Variants in XAB2 observed in about 807,000 individuals in gnomAD.
XAB2 encodes pre-mRNA-splicing factor SYF1.
In XAB2, 57 loss-of-function variants were observed where a neutral mutation model predicts 113.4. The observed-to-expected ratio is 0.50, with a 90% CI of 0.41 to 0.63. XAB2 has a LOEUF of 0.63. Ranked by LOEUF, XAB2 falls within the 20% of genes least tolerant of loss-of-function variation. The pLI, the probability that XAB2 is intolerant of heterozygous loss-of-function variation, is 0.00. For synonymous variants in XAB2, 497 were observed against 498.8 expected, an observed-to-expected ratio of 1.00 and a Z score of 0.05; for missense variants, 1,037 against 1,233.3, an observed-to-expected ratio of 0.84 and a Z score of 2.38.
At position 7,625,275 on chromosome 19, in the gene XAB2, CA is replaced by C. The variant is rs1191764569; in HGVS notation, c.822+604del. 6.6e-6 allele frequency among the ~76,000 whole-genome samples: 1 copy of C among 152,200 alleles called. No homozygotes were observed. The highest frequency in any genetic ancestry group is 1.5e-5 in the Non-Finnish European group (1 of 68,040). On this transcript the variant is annotated intron_variant, in intron 6 of 18. Transcript: ENST00000358368. The surrounding 1 kb of genome is among the most constrained non-coding windows in gnomAD (Gnocchi z 5.2). ...CCTGCGTCACTGAGCTGATTGGTGA[CA>C]GGCAGTAACTGTCACCCTGATTTTA...
rs368839409 is a variant in XAB2, at chr19:7,619,727, C to T, written c.2506+20G>A. ...CCCACCCTGGTAATGCCACCGTCCC[C>T]GCCCCAGCCGGGCCCTCACCGTTGG... On this transcript the variant is annotated intron_variant, in intron 18 of 18. Transcript: ENST00000358368. 5.0e-4 allele frequency: 800 copies of T among 1,612,924 alleles called. 1 individual carries two copies. Among genetic ancestry groups the T allele is most frequent in the East Asian group, 1.0e-3 (46 of 44,874 alleles).
Position 7,628,407 on chromosome 19 carries a change from C to T in XAB2, c.52-109G>A, listed in dbSNP as rs1260382784. 2 of 1,358,612 alleles carry T rather than the reference C, an allele frequency of 1.5e-6. No individual in the cohort carries two copies. Among genetic ancestry groups the T allele is most frequent in the Non-Finnish European group, 2.0e-6 (2 of 991,820 alleles). 84.2% of individuals were successfully genotyped at this position (1,358,612 alleles called of 1,614,324 possible). A position where few individuals can be genotyped will look rare whatever the true frequency, so the allele number is the denominator to read the frequency against. ...CAAACTCCGGACTTTTACCTAGATCCCACCACCCACCAAGGAAGTCAGGTC... is the reference window on the plus strand; with the variant it reads ...CAAACTCCGGACTTTTACCTAGATCTCACCACCCACCAAGGAAGTCAGGTC... On this transcript the variant is annotated intron_variant, in intron 1 of 18. Transcript: ENST00000358368. The surrounding 1 kb of genome is among the most constrained non-coding windows in gnomAD (Gnocchi z 4.6).
intron 4 of XAB2, among the ~76,000 whole-genome samples, chr19:7,626,978 C>T (rs557693922): frequency 6.6e-6 from 1 of 152,212 alleles, no homozygotes; most frequent in Non-Finnish European, 1.5e-5. Context: ...ATCTGTCTTC[C>T]TACTTAGACT....
In XAB2 at chr19:7,623,107, TGCACACATATACAA is replaced by T. The variant is rs2031070563; in HGVS notation, c.1239+49_1239+62del. The T allele has an allele frequency of 2.5e-6, 4 of 1,598,980 alleles. No homozygotes were observed. Among genetic ancestry groups the T allele is most frequent in the South Asian group, 2.2e-5 (2 of 90,032 alleles). ...GCACAAATATGTACACACACATACA[TGCACACATATACAA>T]GCACACACACATGCATGAACACACA... On this transcript the variant is annotated intron_variant, in intron 9 of 18. Coordinates refer to ENST00000358368, the MANE Select transcript of XAB2 (RefSeq NM_020196.3). The surrounding 1 kb of genome is among the most constrained non-coding windows in gnomAD (Gnocchi z 4.6).
chr19:7,625,814 C>A lies in XAB2; in HGVS notation c.822+66G>T. 1 of 1,537,342 alleles carries A rather than the reference C, an allele frequency of 6.5e-7. No individual in the cohort carries two copies. The highest frequency in any genetic ancestry group is 8.8e-7 in the Non-Finnish European group (1 of 1,137,958). On this transcript the variant is annotated intron_variant, in intron 6 of 18. Transcript: ENST00000358368. The surrounding 1 kb of genome is among the most constrained non-coding windows in gnomAD (Gnocchi z 5.2). ...TGTTTTCTGCCTGTGCATGTGTCAA[C>A]ATGTGTCCCCGAGTGTCGGAGGGAG...
Position 7,624,572 on chromosome 19 carries a change from TGG to T in XAB2, c.823-129_823-128del, listed in dbSNP as rs1198022295. 1,583 of 1,394,754 alleles carry T rather than the reference TGG, an allele frequency of 1.1e-3. 2 individuals are homozygous for T. The highest frequency in any genetic ancestry group is 2.5e-3 in the Admixed American group (126 of 51,290). The allele number at this position is 1,394,754 out of a possible 1,614,324, so 86.4% of individuals were successfully genotyped here. On this transcript the variant is annotated intron_variant, in intron 6 of 18. Transcript: ENST00000358368. The surrounding 1 kb of genome is among the most constrained non-coding windows in gnomAD (Gnocchi z 4.2). ...TGGGTAGTGACGCATCCAGCACCTC[TGG>T]GTAGTGACCCCAGGACAGAGCCTCC...
intron 16 of XAB2, 62 bp downstream of exon 16, chr19:7,620,213 G>C: frequency 6.2e-7 from 1 of 1,606,088 alleles, no homozygotes; most frequent in Non-Finnish European, 8.5e-7. Flanking sequence ...GACCCGGAAA[G>C]CCCAGGTCAG....
chr19:7,624,791 G>T lies in XAB2; in HGVS notation c.823-346C>A, dbSNP rs535319909. ...CCAGCGCCTATGGGTCCACCCTGCA[G>T]GGACCCTCGCCTCAGCTCATCCTCC... On this transcript the variant is annotated intron_variant, in intron 6 of 18. Coordinates refer to ENST00000358368, the MANE Select transcript of XAB2 (RefSeq NM_020196.3). This position sits in a 1 kb window ranked among gnomAD's most constrained non-coding sequence, Gnocchi z 4.2. 6.6e-6 allele frequency among the ~76,000 whole-genome samples: 1 copy of T among 152,174 alleles called. No homozygotes were observed. Among genetic ancestry groups the T allele is most frequent in the Non-Finnish European group, 1.5e-5 (1 of 68,030 alleles).
chr19:7,623,348 G>T lies in XAB2; in HGVS notation c.1120-59C>A. On this transcript the variant is annotated intron_variant, in intron 8 of 18. Transcript: ENST00000358368. This position sits in a 1 kb window ranked among gnomAD's most constrained non-coding sequence, Gnocchi z 4.6. ...CAGGACCCTGCAGATGACGGTCGGG[G>T]CAGAGCTGTGGCTCTGAGGGGTGGG... 6.3e-7 allele frequency: 1 copy of T among 1,594,170 alleles called. No individual in the cohort carries two copies. Among genetic ancestry groups the T allele is most frequent in the South Asian group, 1.1e-5 (1 of 90,582 alleles).
chr19:7,623,592 C>A lies in XAB2; in HGVS notation c.1119+139G>T. On this transcript the variant is annotated intron_variant, in intron 8 of 18. Coordinates refer to ENST00000358368, the MANE Select transcript of XAB2 (RefSeq NM_020196.3). The surrounding 1 kb of genome is among the most constrained non-coding windows in gnomAD (Gnocchi z 4.6). ...GGGCGGGGCTCGGGCAGGAGGAGAA[C>A]CCCAAGAACAGGGGTGGAATTGGAC... 1.6e-6 allele frequency: 2 copies of A among 1,273,324 alleles called. No homozygotes were observed. Among genetic ancestry groups the A allele is most frequent in the Non-Finnish European group, 2.1e-6 (2 of 934,388 alleles). 78.9% of individuals were successfully genotyped at this position (1,273,324 alleles called of 1,614,324 possible).
rs1030831548 is a variant in XAB2, at chr19:7,623,367, G to A, written c.1120-78C>T. ...GTCGGGGCAGAGCTGTGGCTCTGAG[G>A]GGTGGGGCCTGGAGGGTGCTGTGGC... On this transcript the variant is annotated intron_variant, in intron 8 of 18. Transcript: ENST00000358368. The surrounding 1 kb of genome is among the most constrained non-coding windows in gnomAD (Gnocchi z 4.6). 7 of 1,576,396 alleles carry A rather than the reference G, an allele frequency of 4.4e-6. No individual in the cohort carries two copies. Among genetic ancestry groups the A allele is most frequent in the Non-Finnish European group, 5.2e-6 (6 of 1,158,616 alleles).
intron 16 of XAB2, 73 bp downstream of exon 16, chr19:7,620,202 A>G (rs528425713): frequency 3.4e-5 from 54 of 1,602,926 alleles, no homozygotes; most frequent in Non-Finnish European, 4.2e-6. Flanking sequence ...CGAGGCTCCC[A>G]GACCCGGAAA....
chr19:7,620,748 G>A lies in XAB2; in HGVS notation c.1972-79C>T, dbSNP rs2031014258. On this transcript the variant is annotated intron_variant, in intron 14 of 18. Transcript: ENST00000358368. ...CCCAACACACCATGGCCATCCCTGT[G>A]CTTCCAGAAGGCTCCTCCTCAGCCC... The A allele has an allele frequency of 1.9e-6, 3 of 1,587,074 alleles. No homozygotes were observed. The South Asian group carries it at 3.4e-5, about 18-fold the overall frequency.
chr19:7,628,283 G>A lies in XAB2; in HGVS notation c.67C>T (p.Pro23Ser). The change falls in exon 2 of 19, where the codon CCC (proline) becomes TCC (serine). Residue 23 changes from proline to serine, a missense_variant. Coordinates refer to ENST00000358368, the MANE Select transcript of XAB2 (RefSeq NM_020196.3). This position sits in a 1 kb window ranked among gnomAD's most constrained non-coding sequence, Gnocchi z 4.6. ...TTCCGCATGATTTCCTCCTCATAGG[G>A]GAGGTCCTCTTCCTCCTGCCAGGGC... ...PDLVFEEEDL[P>S]YEEEIMRNQF... 6.2e-7 allele frequency: 1 copy of A among 1,614,062 alleles called. No individual in the cohort carries two copies. The highest frequency in any genetic ancestry group is 8.5e-7 in the Non-Finnish European group (1 of 1,180,010).
Position 7,623,127 on chromosome 19 carries a change from CA to C in XAB2, c.1239+42del. On this transcript the variant is annotated intron_variant, in intron 9 of 18. Transcript: ENST00000358368. The surrounding 1 kb of genome is among the most constrained non-coding windows in gnomAD (Gnocchi z 4.6). Reference sequence around the variant, plus strand: ...ATACATGCACACATATACAAGCACACACACATGCATGAACACACAGGCACAC... The same window carrying C: ...ATACATGCACACATATACAAGCACACCACATGCATGAACACACAGGCACAC... 1 of 1,606,868 alleles carries C rather than the reference CA, an allele frequency of 6.2e-7. No individual in the cohort carries two copies. Among genetic ancestry groups the C allele is most frequent in the Non-Finnish European group, 8.5e-7 (1 of 1,175,938 alleles).
chr19:7,625,534 C>G lies in XAB2; in HGVS notation c.822+346G>C, dbSNP rs4134841. On this transcript the variant is annotated intron_variant, in intron 6 of 18. Coordinates refer to ENST00000358368, the MANE Select transcript of XAB2 (RefSeq NM_020196.3). The surrounding 1 kb of genome is among the most constrained non-coding windows in gnomAD (Gnocchi z 5.2). ...CGCTCTGCCACCCAGGCTGGACTTC[C>G]GTGGCGCGATCGCAGCTCACGGCAA... 6.8e-6 allele frequency among the ~76,000 whole-genome samples: 1 copy of G among 146,590 alleles called. No individual in the cohort carries two copies. The highest frequency in any genetic ancestry group is 2.6e-5 in the African/African-American group (1 of 39,214).
rs1224724984 is a variant in XAB2, at chr19:7,625,985, A to G, written c.717T>C (p.Asn239=). 1.2e-6 allele frequency: 2 copies of G among 1,613,768 alleles called. No homozygotes were observed. Among genetic ancestry groups the G allele is most frequent in the South Asian group, 2.2e-5 (2 of 91,034 alleles). ...SQNPDKVQSL[N]VDAIIRGGLT... The stretch of plus-strand genomic sequence containing the variant: ...GGCCCCCGCGGATGATGGCGTCCAC[A>G]TTGAGGGACTGTACCTTGTCCGGAT... Residue 239 remains asparagine (N), a synonymous_variant, in exon 6 of 19, where the codon AAT becomes AAC. Transcript: ENST00000358368. The surrounding 1 kb of genome is among the most constrained non-coding windows in gnomAD (Gnocchi z 5.2).
In XAB2 at chr19:7,620,079, G is replaced by A. The variant is rs1447041823; in HGVS notation, c.2267-4C>T. 6.2e-7 allele frequency: 1 copy of A among 1,610,838 alleles called. No individual in the cohort carries two copies. Among genetic ancestry groups the A allele is most frequent in the South Asian group, 1.1e-5 (1 of 91,078 alleles). On this transcript the variant is annotated splice_region_variant and splice_polypyrimidine_tract_variant and intron_variant, in intron 16 of 18. Coordinates refer to ENST00000358368, the MANE Select transcript of XAB2 (RefSeq NM_020196.3). Reference sequence around the variant, plus strand: ...TGCCCAGGGGCCAGGTCAGACACTAGGGGGTGGGAGCAGGGGGTCAGCGCC... The same window carrying A: ...TGCCCAGGGGCCAGGTCAGACACTAAGGGGTGGGAGCAGGGGGTCAGCGCC...
rs1215574323 is a variant in XAB2 at position 7,621,389 on chromosome 19, G to T, written c.1618-92C>A. Reference sequence around the variant, plus strand: ...CTTGGGTGGCGTCTGTAGGGAGCCTGCCAGGAACTCCCTTGGGGCCCTTCC... The same window carrying T: ...CTTGGGTGGCGTCTGTAGGGAGCCTTCCAGGAACTCCCTTGGGGCCCTTCC... On this transcript the variant is annotated intron_variant, in intron 12 of 18. Coordinates refer to ENST00000358368, the MANE Select transcript of XAB2 (RefSeq NM_020196.3). The T allele has an allele frequency of 2.0e-6, 3 of 1,463,708 alleles. No homozygotes were observed. The African/African-American group carries it at 4.2e-5, about 20-fold the overall frequency. 90.7% of individuals were successfully genotyped at this position (1,463,708 alleles called of 1,614,324 possible). A position where few individuals can be genotyped will look rare whatever the true frequency, so the allele number is the denominator to read the frequency against.
Sources: allele counts gnomAD v4.1 joint callset (sites outside exome capture counted in the v4.1 genomes callset), GRCh38; gene constraint gnomAD v4.1.1; non-coding constraint Gnocchi (gnomAD v3.1); transcripts MANE v1.5; gene names NCBI Gene and HGNC (gene_info 2026-07-23, HGNC 2026-07-21).